PDILT: variants seen among roughly 807,000 people sequenced by gnomAD.
The protein encoded by PDILT is protein disulfide isomerase like, testis expressed.
A neutral mutation model predicts 53.7 loss-of-function variants in PDILT; 43 were observed. The observed-to-expected ratio is 0.80, with a 90% CI of 0.63 to 1.03. The LOEUF (loss-of-function observed/expected upper bound fraction) is 1.03, where lower values mean the gene tolerates loss of function less well. Among genes scored for constraint, PDILT ranks in the 50% least tolerant of loss-of-function variants. The probability of loss-of-function intolerance (pLI) is 0.00; values close to 1 mark genes in which losing one functional copy is unlikely to be tolerated. For missense variants in PDILT, 727 were observed against 712.3 expected, an observed-to-expected ratio of 1.02 and a Z score of -0.24; for synonymous variants, 282 against 274.2, an observed-to-expected ratio of 1.03 and a Z score of -0.28.
At chr16:20,372,378 A>G (rs4606726) in intron 7 of PDILT, among the ~76,000 whole-genome samples, 53,332 of 152,090 alleles carry the variant, frequency 0.35, 11,622 homozygotes, top group Non-Finnish European at 0.49. Context: ...CTTGCCAGAC[A>G]ATCTGTGCTA....
At chr16:20,375,512 C>A (rs570134653) in intron 4 of PDILT, among the ~76,000 whole-genome samples, 8 of 152,088 alleles carry the variant, frequency 5.3e-5, no homozygotes, top group African/African-American at 1.9e-4. Flanking sequence ...AACTCATTCT[C>A]CTAAAGCAAA....
chr16:20,382,708 A>T (rs936569266), intron 3 of PDILT, among the ~76,000 whole-genome samples: 5 of 152,214 alleles, frequency 3.3e-5, no homozygotes, highest in African/African-American at 1.2e-4. Flanking sequence ...CCTTGCAAAC[A>T]TCATTTTATC....
chr16:20,360,419 G>T, intron 11 of PDILT, 149 bp downstream of exon 11: 1 of 746,980 alleles, frequency 1.3e-6, no homozygotes, highest in Non-Finnish European at 2.3e-6. Flanking sequence ...AAGGTGACTA[G>T]TAGAGTCACC....
intron 8 of PDILT, among the ~76,000 whole-genome samples, chr16:20,369,027 C>G (rs142357103): frequency 6.6e-6 from 1 of 152,172 alleles, no homozygotes; most frequent in African/African-American, 2.4e-5. Flanking sequence ...TTCCTGTCAG[C>G]GAAATAGACT....
intron 10 of PDILT, among the ~76,000 whole-genome samples, chr16:20,361,051 G>A (rs549182210): frequency 2.6e-5 from 4 of 152,246 alleles, no homozygotes; most frequent in East Asian, 3.9e-4. Flanking sequence ...TGAAAACAGC[G>A]CCTGGTTCAT....
chr16:20,361,705 T>A (rs1966103442), intron 10 of PDILT, among the ~76,000 whole-genome samples: 1 of 152,162 alleles, frequency 6.6e-6, no homozygotes, highest in Non-Finnish European at 1.5e-5. Context: ...CACCTCTTTG[T>A]TCAGACCACA....
Position 20,369,555 on chromosome 16 carries a change from T to G in PDILT, c.1053A>C (p.Ser351=), listed in dbSNP as rs373984744. The change falls in exon 8 of 12, where the codon TCA becomes TCC. Residue 351 remains serine, a synonymous_variant. Coordinates refer to ENST00000302451, the MANE Select transcript of PDILT (RefSeq NM_174924.2). The stretch of plus-strand genomic sequence containing the variant: ...TGAGGCTTTCGTAGGTTATGTCATC[T>G]GAAGGCATTTTGTACCTGGCGTCAG... ...LSSDARYKMP[S]DDITYESLKK... 6.2e-6 allele frequency: 10 copies of G among 1,614,154 alleles called. No individual in the cohort carries two copies. Among genetic ancestry groups the G allele is most frequent in the Non-Finnish European group, 8.5e-6 (10 of 1,180,064 alleles).
At chr16:20,400,564 T>C (rs949318766) in intron 1 of PDILT, among the ~76,000 whole-genome samples, 6 of 152,046 alleles carry the variant, frequency 3.9e-5, no homozygotes, top group Non-Finnish European at 7.4e-5. Context: ...TCTGGATACC[T>C]ACATGTTTCA....
rs1221450730 is a variant in PDILT, at chr16:20,402,534, G to T, written c.-8+1962C>A. Among the ~76,000 whole-genome samples the T allele has an allele frequency of 2.0e-5, 3 of 152,186 alleles. No individual in the cohort carries two copies. The South Asian group carries it at 6.2e-4, about 32-fold the overall frequency. On this transcript the variant is annotated intron_variant, in intron 1 of 11. Transcript: ENST00000302451. The stretch of plus-strand genomic sequence containing the variant: ...GGCTGGTCTGGAACTCCTGACCTCA[G>T]GTGATCCGCCCACCTCGGCCTCCCA...
intron 8 of PDILT, among the ~76,000 whole-genome samples, chr16:20,367,927 G>A (rs1404363042): frequency 6.6e-6 from 1 of 152,164 alleles, no homozygotes; most frequent in Non-Finnish European, 1.5e-5. Flanking sequence ...TGCCTGGTGA[G>A]TACTATGGGG....
At chr16:20,385,725 C>A (rs1966525875) in intron 2 of PDILT, among the ~76,000 whole-genome samples, 1 of 152,078 alleles carries the variant, frequency 6.6e-6, no homozygotes, top group South Asian at 2.1e-4. Context: ...CCACTTGTAC[C>A]CCCAAAGCTA....
chr16:20,386,098 C>T (rs1966533650), intron 2 of PDILT: 1 of 152,172 alleles, frequency 6.6e-6, no homozygotes, highest in South Asian at 2.1e-4. Context: ...TCGAAGAGAC[C>T]TGGAACTCTC....
At chr16:20,366,261 C>T (rs1966190338) in intron 8 of PDILT, among the ~76,000 whole-genome samples, 1 of 152,150 alleles carries the variant, frequency 6.6e-6, no homozygotes, top group African/African-American at 2.4e-5. Flanking sequence ...AACCAAATGG[C>T]CAACCTTCCT....
intron 3 of PDILT, among the ~76,000 whole-genome samples, chr16:20,381,357 C>A (rs1440445017): frequency 6.6e-6 from 1 of 152,118 alleles, no homozygotes; most frequent in Non-Finnish European, 1.5e-5. Context: ...AGAAATTGGG[C>A]CGGGTGCGGT....
intron 2 of PDILT, among the ~76,000 whole-genome samples, chr16:20,391,355 GTCATCATCA>G (rs778625579): frequency 6.6e-6 from 1 of 151,736 alleles, no homozygotes; most frequent in Non-Finnish European, 1.5e-5. Context: ...CATCACCATT[GTCATCATCA>G]TCATCATCTT....
chr16:20,395,279 C>T (rs1484599296), intron 2 of PDILT, among the ~76,000 whole-genome samples: 1 of 152,166 alleles, frequency 6.6e-6, no homozygotes, highest in Non-Finnish European at 1.5e-5. Context: ...ATCCATGGGC[C>T]TAAGTTCTAG....
chr16:20,373,227 G>A (rs1966333210), intron 5 of PDILT, 105 bp from the exon 6 acceptor site: 13 of 942,682 alleles, frequency 1.4e-5, no homozygotes, highest in South Asian at 1.1e-4. Context: ...GGAAAGCACT[G>A]AGGAATGGTA....
Position 20,376,117 on chromosome 16 carries a change from A to T in PDILT, c.494T>A (p.Val165Glu). The T allele has an allele frequency of 6.2e-7, 1 of 1,614,144 alleles. No individual in the cohort carries two copies. Residue 165 changes from valine (V) to glutamate (E), a missense_variant, in exon 4 of 12, where the codon GTG becomes GAG. Physicochemically the swap from Val to Glu is moderately radical, Grantham distance 121. Coordinates refer to ENST00000302451, the MANE Select transcript of PDILT (RefSeq NM_174924.2). ...GGGCCTGGATATCACAAACTCTGCC[A>T]CCTGCTCGCTGCTGTTGAACAAAAA... ...KAFLFNSSEQ[V>E]AEFVISRPLV...
chr16:20,402,963 C>T (rs1001480244), intron 1 of PDILT, among the ~76,000 whole-genome samples: 11 of 152,196 alleles, frequency 7.2e-5, no homozygotes, highest in African/African-American at 2.7e-4. Context: ...CCCCCAGCCT[C>T]ACAAAGTCCA....
Sources: allele counts gnomAD v4.1 joint callset (sites outside exome capture counted in the v4.1 genomes callset), GRCh38; gene constraint gnomAD v4.1.1; transcripts MANE v1.5; gene names NCBI Gene and HGNC (gene_info 2026-07-23, HGNC 2026-07-21).